SLC2A13: variants seen among roughly 807,000 people sequenced by gnomAD.
The protein encoded by SLC2A13 is proton myo-inositol cotransporter.
SLC2A13 carries 32 observed loss-of-function variants against 64.4 expected under a neutral mutation model. That is an observed-to-expected ratio of 0.50 (90% CI 0.37 to 0.67). The LOEUF (loss-of-function observed/expected upper bound fraction) is 0.67. SLC2A13 is among the 30% of genes least tolerant of loss of function. SLC2A13 has a pLI of 0.00. For missense variants in SLC2A13, 743 were observed against 829.2 expected (o/e 0.90, Z 1.28); for synonymous variants, 338 against 327.1 (o/e 1.03, Z -0.36).
chr12:39,992,849 C>T (rs896214000), intron 3 of SLC2A13, among the ~76,000 whole-genome samples: 2 of 152,060 alleles, frequency 1.3e-5, no homozygotes, highest in Non-Finnish European at 2.9e-5. Context: ...AAAATTGACA[C>T]AATCAAATTA....
chr12:39,954,981 G>C (rs1946292432), intron 3 of SLC2A13, among the ~76,000 whole-genome samples: 1 of 152,110 alleles, frequency 6.6e-6, no homozygotes, highest in Admixed American at 6.5e-5. Flanking sequence ...GGATATAGAA[G>C]ACTCCAAGAA....
intron 7 of SLC2A13, among the ~76,000 whole-genome samples, chr12:39,788,827 A>G (rs940363511): frequency 6.6e-6 from 1 of 152,180 alleles, no homozygotes; most frequent in Non-Finnish European, 1.5e-5. Flanking sequence ...TTGCCCTGCA[A>G]TCTAAATTTC....
chr12:39,921,195 G>A (rs550688011), intron 4 of SLC2A13, among the ~76,000 whole-genome samples: 5 of 152,258 alleles, frequency 3.3e-5, no homozygotes, highest in African/African-American at 1.2e-4. Context: ...GAATTACATT[G>A]TGTGCATGAT....
intron 4 of SLC2A13, among the ~76,000 whole-genome samples, chr12:39,895,098 G>A (rs1187523394): frequency 2.0e-5 from 3 of 151,872 alleles, no homozygotes; most frequent in African/African-American, 7.3e-5. Flanking sequence ...TGAACTTCTT[G>A]GCCCCAGTGA....
At position 39,868,392 on chromosome 12, in the gene SLC2A13, A is replaced by T. The variant is rs575232891; in HGVS notation, c.1198+3406T>A. Among the ~76,000 whole-genome samples the T allele has an allele frequency of 8.1e-4, 123 of 152,312 alleles. 2 individuals carry two copies. In the South Asian group the frequency reaches 8.1e-3, roughly 10 times the overall value. ...TACAGTGTTTGGCTTATTAGTAAAT[A>T]CTCAAAAAAACAAAATAATTTCCCT... On this transcript the variant is annotated intron_variant, in intron 5 of 9. Transcript: ENST00000280871.
At chr12:39,791,071 G>GT (rs1941384958) in intron 7 of SLC2A13, among the ~76,000 whole-genome samples, 3 of 142,630 alleles carry the variant, frequency 2.1e-5, no homozygotes, top group African/African-American at 7.8e-5. Context: ...GGGGTTGTTT[G>GT]TTTTTTTCTT....
At chr12:40,101,417 C>T (rs1290042783) in intron 1 of SLC2A13, among the ~76,000 whole-genome samples, 1 of 152,182 alleles carries the variant, frequency 6.6e-6, no homozygotes, top group Non-Finnish European at 1.5e-5. Context: ...GGTCCACTGA[C>T]TCCTTCCATA....
Position 40,105,335 on chromosome 12 carries a change from G to T in SLC2A13, c.474C>A (p.Phe158Leu). The change falls in exon 1 of 10, where the codon TTC becomes TTA. Residue 158 changes from phenylalanine to leucine, a missense_variant. Phe to Leu is a conservative substitution (Grantham distance 22). Coordinates refer to ENST00000280871, the MANE Select transcript of SLC2A13 (RefSeq NM_052885.4). The surrounding 1 kb of genome is among the most constrained non-coding windows in gnomAD (Gnocchi z 4.2). ...CAGCCAGCACCGCGGAGCCGGCGGTGAAGAGGGCACTGGCCAGGAGGATGG... is the reference window on the plus strand; with the variant it reads ...CAGCCAGCACCGCGGAGCCGGCGGTTAAGAGGGCACTGGCCAGGAGGATGG... The part of the protein sequence containing the change: ...RAAILLASAL[F>L]TAGSAVLAAA... 6.3e-7 allele frequency: 1 copy of T among 1,597,022 alleles called. No individual in the cohort carries two copies. The highest frequency in any genetic ancestry group is 8.5e-7 in the Non-Finnish European group (1 of 1,173,318).
At chr12:39,916,503 C>A (rs537023350) in intron 4 of SLC2A13, among the ~76,000 whole-genome samples, 1 of 151,994 alleles carries the variant, frequency 6.6e-6, no homozygotes, top group South Asian at 2.1e-4. Context: ...ATCCCAATAC[C>A]ACATACACTG....
At position 39,918,244 on chromosome 12, in the gene SLC2A13, C is replaced by A. The variant is rs1173975319; in HGVS notation, c.1034+33013G>T. Among the ~76,000 whole-genome samples the A allele has an allele frequency of 1.3e-5, 2 of 152,024 alleles. 1 individual carries two copies. The highest frequency in any genetic ancestry group is 4.8e-5 in the African/African-American group (2 of 41,344). On this transcript the variant is annotated intron_variant, in intron 4 of 9. Transcript: ENST00000280871. The stretch of plus-strand genomic sequence containing the variant: ...CCAGAGGGTTACAACCTTTTCCTAG[C>A]AAGTATAAACCCCAAGAGTTAATAT...
At chr12:39,996,315 A>T (rs1947229343) in intron 3 of SLC2A13, among the ~76,000 whole-genome samples, 2 of 152,202 alleles carry the variant, frequency 1.3e-5, no homozygotes, top group Non-Finnish European at 2.9e-5. Context: ...TCAAGAGGTG[A>T]CTTGGGTGCT....
rs148744315 is a variant in SLC2A13, at chr12:40,083,827, T to C, written c.556+21426A>G. On this transcript the variant is annotated intron_variant, in intron 1 of 9. Coordinates refer to ENST00000280871, the MANE Select transcript of SLC2A13 (RefSeq NM_052885.4). ...TGCCAGTCCAGTAGGTCTTCAAATT[T>C]TGACTTCCCTACCCAATCTTCCTGC... Among the ~76,000 whole-genome samples, 7 of 152,314 alleles carry C rather than the reference T, an allele frequency of 4.6e-5. No homozygotes were observed. The East Asian group carries it at 1.3e-3, about 29-fold the overall frequency.
chr12:39,819,309 T>C (rs1263503418), intron 7 of SLC2A13, among the ~76,000 whole-genome samples: 1 of 152,206 alleles, frequency 6.6e-6, no homozygotes, highest in East Asian at 1.9e-4. Context: ...TTCTCATTTA[T>C]GTCATAGAAA....
chr12:39,915,530 T>C (rs551024833), intron 4 of SLC2A13, among the ~76,000 whole-genome samples: 2 of 152,010 alleles, frequency 1.3e-5, no homozygotes, highest in Non-Finnish European at 2.9e-5. Context: ...TAGAAGTATA[T>C]AGAACCCTTT....
chr12:40,048,313 G>C, intron 1 of SLC2A13, 103 bp from the exon 2 acceptor site: 3 of 1,156,350 alleles, frequency 2.6e-6, no homozygotes, highest in Non-Finnish European at 3.5e-6. Context: ...TATGGGCTTG[G>C]TTTTCTACTT....
At chr12:40,004,797 A>G (rs1363998990) in intron 3 of SLC2A13, among the ~76,000 whole-genome samples, 1 of 152,210 alleles carries the variant, frequency 6.6e-6, no homozygotes. Context: ...TTTAAGTCAT[A>G]TGTACTATAT....
chr12:40,072,367 T>C (rs1352484293), intron 1 of SLC2A13, among the ~76,000 whole-genome samples: 3 of 152,138 alleles, frequency 2.0e-5, no homozygotes, highest in Non-Finnish European at 4.4e-5. Flanking sequence ...TATTCTGTTG[T>C]TGGATGAAGT....
At chr12:39,874,838 T>A (rs1944142969) in intron 4 of SLC2A13, among the ~76,000 whole-genome samples, 1 of 152,196 alleles carries the variant, frequency 6.6e-6, no homozygotes, top group Admixed American at 6.5e-5. Flanking sequence ...AACTGGAGGC[T>A]GACTGAACTA....
chr12:40,065,925 A>G (rs1937700898), intron 1 of SLC2A13, among the ~76,000 whole-genome samples: 1 of 152,340 alleles, frequency 6.6e-6, no homozygotes, highest in Admixed American at 6.5e-5. Context: ...AAAACATCCA[A>G]GGTCACACAG....
Sources: gnomAD v4.1 joint callset for allele counts (sites outside exome capture counted in the v4.1 genomes callset) on GRCh38, gnomAD v4.1.1 for gene constraint, Gnocchi (gnomAD v3.1) non-coding constraint, MANE v1.5 for transcripts, NCBI Gene and HGNC (gene_info 2026-07-23, HGNC 2026-07-21) for gene names.